Variants in PEX7 observed in about 807,000 individuals in gnomAD.
PEX7 encodes PTS2 receptor.
A neutral mutation model predicts 47.5 loss-of-function variants in PEX7; 34 were observed. The observed-to-expected ratio is 0.72, with a 90% CI of 0.54 to 0.95. The LOEUF is 0.95. PEX7 is among the 40% of genes least tolerant of loss of function. The probability of loss-of-function intolerance (pLI) is 0.00; values close to 1 mark genes in which losing one functional copy is unlikely to be tolerated. For missense variants in PEX7, 394 were observed against 400.3 expected (o/e 0.98, Z 0.13); for synonymous variants, 141 against 148.8 (o/e 0.95, Z 0.38).
At chr6:136,848,898 A>G (rs563901543) in intron 5 of PEX7, among the ~76,000 whole-genome samples, 9 of 152,118 alleles carry the variant, frequency 5.9e-5, no homozygotes, top group African/African-American at 1.2e-4. Context: ...GTCTTGTTCT[A>G]TTGATTGGAA....
At chr6:136,849,850 C>G (rs1468274406) in intron 5 of PEX7, among the ~76,000 whole-genome samples, 6 of 152,106 alleles carry the variant, frequency 3.9e-5, no homozygotes, top group Non-Finnish European at 8.8e-5. Flanking sequence ...GTGGAGAGTT[C>G]TGTAGATGTC....
At chr6:136,829,972 A>G in intron 3 of PEX7, 2 of 701,146 alleles carry the variant, frequency 2.9e-6, no homozygotes, top group Non-Finnish European at 5.2e-6. Context: ...TTGATAATGA[A>G]CATAGCCAAT....
intron 5 of PEX7, among the ~76,000 whole-genome samples, chr6:136,860,610 A>G (rs993002703): frequency 7.9e-5 from 12 of 151,518 alleles, no homozygotes; most frequent in Non-Finnish European, 1.8e-4. Context: ...TGGCACATGT[A>G]TACATATGTA....
chr6:136,877,669 C>T (rs1441881111), intron 8 of PEX7, among the ~76,000 whole-genome samples: 2 of 152,122 alleles, frequency 1.3e-5, no homozygotes, highest in Non-Finnish European at 2.9e-5. Context: ...TTCCATTGGT[C>T]TATATATCTG....
At chr6:136,822,884 C>G (rs924234688) in intron 1 of PEX7, 89 bp downstream of exon 1, 15 of 1,223,774 alleles carry the variant, frequency 1.2e-5, no homozygotes, top group Middle Eastern at 3.2e-4. Context: ...GAGGGAAAGC[C>G]CCTCTGAGCG....
intron 5 of PEX7, among the ~76,000 whole-genome samples, chr6:136,850,720 C>A (rs1039855305): frequency 1.3e-5 from 2 of 152,148 alleles, no homozygotes; most frequent in Non-Finnish European, 2.9e-5. Context: ...ACCTGTGAGA[C>A]ACGCATCTGC....
intron 3 of PEX7, among the ~76,000 whole-genome samples, chr6:136,827,389 GAATATTAAGA>G (rs556204855): frequency 6.6e-4 from 101 of 152,298 alleles, no homozygotes; most frequent in Middle Eastern, 3.4e-3. Context: ...GGGAATTACT[GAATATTAAGA>G]CAATTTTGGT....
At chr6:136,902,436 C>T (rs1440825749) in intron 9 of PEX7, among the ~76,000 whole-genome samples, 2 of 152,138 alleles carry the variant, frequency 1.3e-5, no homozygotes, top group African/African-American at 4.8e-5. Flanking sequence ...CACCACCTTT[C>T]TTCTTAACAG....
intron 3 of PEX7, among the ~76,000 whole-genome samples, chr6:136,836,364 A>G (rs1039531666): frequency 2.0e-5 from 3 of 152,128 alleles, no homozygotes; most frequent in Admixed American, 2.0e-4. Context: ...ACCTTGAAAG[A>G]GGGGGTAAGG....
rs549449689 is a variant in PEX7, at chr6:136,826,230, GAAA to G, written c.189-83_189-81del. On this transcript the variant is annotated intron_variant, in intron 2 of 9. Transcript: ENST00000318471. ...TGTTAAAATGTGTGATAAATTGAAA[GAAA>G]AAAAACCATAATTGTTATTTTTTTT... 144 of 1,427,848 alleles carry G rather than the reference GAAA, an allele frequency of 1.0e-4. No individual in the cohort carries two copies. In the African/African-American group the frequency reaches 1.9e-3, roughly 19 times the overall value. The allele number at this position is 1,427,848 out of a possible 1,614,324, so 88.4% of individuals were successfully genotyped here. A position where few individuals can be genotyped will look rare whatever the true frequency, so the allele number is the denominator to read the frequency against.
intron 3 of PEX7, among the ~76,000 whole-genome samples, chr6:136,836,875 C>A (rs1469622698): frequency 2.0e-5 from 3 of 152,074 alleles, no homozygotes; most frequent in African/African-American, 7.2e-5. Context: ...ATCGCTTGAA[C>A]CCGGGAGGCA....
At chr6:136,835,451 G>C (rs1171011594) in intron 3 of PEX7, among the ~76,000 whole-genome samples, 2 of 151,848 alleles carry the variant, frequency 1.3e-5, no homozygotes, top group African/African-American at 4.8e-5. Context: ...ACCGTGCTTG[G>C]CTGATTTTTG....
At chr6:136,826,539 G>A (rs2115132428) in intron 3 of PEX7, 70 bp downstream of exon 3, 1 of 1,555,266 alleles carries the variant, frequency 6.4e-7, no homozygotes, top group Non-Finnish European at 8.9e-7. Context: ...ATTTGGGGAT[G>A]GACACATGGA....
At chr6:136,871,971 ATTTTC>A (rs1775189383) in intron 7 of PEX7, among the ~76,000 whole-genome samples, 1 of 143,128 alleles carries the variant, frequency 7.0e-6, no homozygotes, top group Non-Finnish European at 1.6e-5. Flanking sequence ...TTGAGGGATA[ATTTTC>A]TTTGGAGAAT....
intron 3 of PEX7, among the ~76,000 whole-genome samples, chr6:136,827,504 T>TTG (rs5880309): frequency 0.061 from 8,593 of 140,820 alleles, 250 homozygotes; most frequent in East Asian, 0.085. Flanking sequence ...CTGTGTGAAT[T>TTG]TGTGTGTGTG....
At chr6:136,881,237 A>G (rs1775371570) in intron 8 of PEX7, among the ~76,000 whole-genome samples, 1 of 152,176 alleles carries the variant, frequency 6.6e-6, no homozygotes, top group African/African-American at 2.4e-5. Flanking sequence ...GAAACCTTAG[A>G]GCATGCAATA....
intron 3 of PEX7, among the ~76,000 whole-genome samples, chr6:136,837,798 A>C (rs529333438): frequency 6.8e-6 from 1 of 147,748 alleles, no homozygotes; most frequent in African/African-American, 2.5e-5. Flanking sequence ...GAATGAAAGC[A>C]ATGAATTTAA....
intron 8 of PEX7, among the ~76,000 whole-genome samples, chr6:136,894,711 A>G (rs1775618910): frequency 6.6e-6 from 1 of 152,246 alleles, no homozygotes; most frequent in African/African-American, 2.4e-5. Context: ...AAGACATTAT[A>G]TTATGATATA....
At chr6:136,857,491 A>G (rs1423373092) in intron 5 of PEX7, among the ~76,000 whole-genome samples, 3 of 152,206 alleles carry the variant, frequency 2.0e-5, no homozygotes, top group African/African-American at 7.2e-5. Context: ...GCACTCTTAG[A>G]GCATATAGTC....
Sources: allele counts gnomAD v4.1 joint callset (sites outside exome capture counted in the v4.1 genomes callset), GRCh38; gene constraint gnomAD v4.1.1; transcripts MANE v1.5; gene names NCBI Gene and HGNC (gene_info 2026-07-23, HGNC 2026-07-21).